NAV2: variants seen among roughly 807,000 people sequenced by gnomAD.
NAV2 encodes neuron navigator 2, also known as helicase, APC down-regulated 1.
In NAV2, 54 loss-of-function variants were observed where a neutral mutation model predicts 223.2. That is an observed-to-expected ratio of 0.24 (90% CI 0.19 to 0.30). The LOEUF (loss-of-function observed/expected upper bound fraction) is 0.30. Among genes scored for constraint, NAV2 ranks in the 10% least tolerant of loss-of-function variants. NAV2 has a pLI of 1.00. For missense variants in NAV2, 2,806 were observed against 3,147.5 expected (o/e 0.89, Z 2.60); for synonymous variants, 1,279 against 1,239.3 (o/e 1.03, Z -0.67).
Position 20,049,058 on chromosome 11 carries a change from T to C in NAV2, c.4233T>C (p.Cys1411=), listed in dbSNP as rs768180923. ...FQSVSSLHTS[C]ESIDISLSSG... ...CTGTCAGCAGCCTCCACACCAGCTG[T>C]GAGTCCATCGACATCTCCCTCAGCA... Residue 1411 remains cysteine (C), a synonymous_variant, in exon 15 of 38, where the codon TGT becomes TGC. Coordinates refer to ENST00000349880, the MANE Select transcript of NAV2 (RefSeq NM_145117.5). The C allele has an allele frequency of 3.1e-6, 5 of 1,613,984 alleles. No individual in the cohort carries two copies. The East Asian group carries it at 1.1e-4, about 36-fold the overall frequency.
At chr11:19,442,886 T>G (rs1294139699) in intron 1 of NAV2, among the ~76,000 whole-genome samples, 3 of 152,222 alleles carry the variant, frequency 2.0e-5, no homozygotes, top group Non-Finnish European at 2.9e-5. Flanking sequence ...CCTGTGTTTT[T>G]GGTGTTTTAA....
intron 1 of NAV2, among the ~76,000 whole-genome samples, chr11:19,815,383 G>A (rs552020090): frequency 6.6e-6 from 1 of 152,254 alleles, no homozygotes; most frequent in South Asian, 2.1e-4. Flanking sequence ...TAACTCCTGG[G>A]GTCTAGGCTC....
intron 11 of NAV2, among the ~76,000 whole-genome samples, chr11:20,016,243 T>G (rs903225057): frequency 4.6e-5 from 7 of 152,198 alleles, no homozygotes; most frequent in African/African-American, 1.7e-4. Context: ...GATGTTGGAC[T>G]GAGGGTGGAA....
At chr11:20,072,918 AC>A (rs2059491612) in intron 22 of NAV2, among the ~76,000 whole-genome samples, 1 of 152,108 alleles carries the variant, frequency 6.6e-6, no homozygotes, top group Admixed American at 6.5e-5. Context: ...CCAATTGAAT[AC>A]CCTTTATTTC....
At chr11:19,694,908 A>G (rs2049284578) in intron 1 of NAV2, among the ~76,000 whole-genome samples, 1 of 152,048 alleles carries the variant, frequency 6.6e-6, no homozygotes, top group South Asian at 2.1e-4. Flanking sequence ...ATGTTCCTCC[A>G]CTGTCCCCGG....
At chr11:19,691,207 G>A (rs2049164397) in intron 1 of NAV2, among the ~76,000 whole-genome samples, 1 of 151,724 alleles carries the variant, frequency 6.6e-6, no homozygotes, top group Non-Finnish European at 1.5e-5. Context: ...GAAATAGAAG[G>A]CAAGCCATGT....
intron 1 of NAV2, among the ~76,000 whole-genome samples, chr11:19,704,226 C>A (rs1476538579): frequency 6.6e-6 from 1 of 152,160 alleles, no homozygotes; most frequent in African/African-American, 2.4e-5. Context: ...AGACCATTGT[C>A]ATTAGCAAAC....
At chr11:19,434,974 G>T (rs1202043991) in intron 1 of NAV2, among the ~76,000 whole-genome samples, 2 of 145,478 alleles carry the variant, frequency 1.4e-5, no homozygotes, top group African/African-American at 5.1e-5. Context: ...CTTTATAATT[G>T]ATAAATAATT....
chr11:19,552,247 G>A (rs1299006960), intron 1 of NAV2, among the ~76,000 whole-genome samples: 1 of 152,210 alleles, frequency 6.6e-6, no homozygotes, highest in African/African-American at 2.4e-5. Flanking sequence ...GCTGGGAAGA[G>A]CAAGAGCTGG....
At chr11:19,928,449 A>G (rs1233990029) in intron 6 of NAV2, among the ~76,000 whole-genome samples, 5 of 152,202 alleles carry the variant, frequency 3.3e-5, no homozygotes, top group Non-Finnish European at 7.4e-5. Flanking sequence ...ACATTCTTTT[A>G]TGCTTTTCTT....
At chr11:19,494,126 C>G (rs181187199) in intron 1 of NAV2, among the ~76,000 whole-genome samples, 2 of 152,326 alleles carry the variant, frequency 1.3e-5, no homozygotes, top group East Asian at 3.9e-4. Context: ...GTGTGTGACT[C>G]TCCTGGAGAA....
chr11:19,520,305 C>T (rs751092085), intron 1 of NAV2, among the ~76,000 whole-genome samples: 1 of 152,226 alleles, frequency 6.6e-6, no homozygotes, highest in Non-Finnish European at 1.5e-5. Context: ...CGGCCAGCTA[C>T]AGATGAATTT....
chr11:19,487,381 C>T (rs575330948), intron 1 of NAV2, among the ~76,000 whole-genome samples: 1 of 152,298 alleles, frequency 6.6e-6, no homozygotes, highest in Admixed American at 6.5e-5. Flanking sequence ...TTCCAATGAT[C>T]CCTGCCTCCA....
intron 3 of NAV2, among the ~76,000 whole-genome samples, chr11:19,864,413 G>A (rs1342750956): frequency 6.6e-6 from 1 of 152,202 alleles, no homozygotes; most frequent in Non-Finnish European, 1.5e-5. Context: ...CAGTCTCTAA[G>A]CTACCAGGGA....
At chr11:20,028,330 G>A (rs1340321625) in intron 11 of NAV2, among the ~76,000 whole-genome samples, 1 of 152,130 alleles carries the variant, frequency 6.6e-6, no homozygotes, top group Admixed American at 6.5e-5. Flanking sequence ...GGTTTAATGG[G>A]CCCTTCCATG....
intron 1 of NAV2, among the ~76,000 whole-genome samples, chr11:19,377,677 A>G (rs375772489): frequency 2.0e-5 from 3 of 151,674 alleles, no homozygotes; most frequent in Admixed American, 2.0e-4. Flanking sequence ...TCCAACCTGA[A>G]TGGGTATTCA....
chr11:19,456,733 G>T (rs1156358573), intron 1 of NAV2, among the ~76,000 whole-genome samples: 2 of 152,226 alleles, frequency 1.3e-5, no homozygotes, highest in East Asian at 3.8e-4. Flanking sequence ...GGTGGGATTT[G>T]AACCCAGGTC....
rs750453893 is a variant in NAV2, at chr11:20,055,806, C to T, written c.4680C>T (p.Asn1560=). The T allele has an allele frequency of 3.1e-6, 5 of 1,614,188 alleles. No individual in the cohort carries two copies. In the South Asian group the frequency reaches 5.5e-5, roughly 18 times the overall value. The change falls in exon 19 of 38, where the codon AAC becomes AAT. Residue 1560 remains asparagine (N), a synonymous_variant. Transcript: ENST00000349880. ...PTTVTQMSLS[N]PTMLRTHSLS... is the part of the protein sequence containing the mutation. ...CTGTCACCCAGATGAGCTTGTCCAACCCGACCATGCTGAGGACTCACAGCC... is the reference window on the plus strand; with the variant it reads ...CTGTCACCCAGATGAGCTTGTCCAATCCGACCATGCTGAGGACTCACAGCC...
At chr11:19,562,374 G>A (rs1010223849) in intron 1 of NAV2, among the ~76,000 whole-genome samples, 2 of 152,178 alleles carry the variant, frequency 1.3e-5, no homozygotes, top group African/African-American at 4.8e-5. Context: ...AGCCCCTGGG[G>A]CCTCAAGCTT....
Sources: allele counts gnomAD v4.1 joint callset (sites outside exome capture counted in the v4.1 genomes callset), GRCh38; gene constraint gnomAD v4.1.1; transcripts MANE v1.5; gene names NCBI Gene and HGNC (gene_info 2026-07-23, HGNC 2026-07-21).